The following DYSF variants were observed in gnomAD, a reference collection of about 807,000 sequenced individuals.
The protein encoded by DYSF is dysferlin, also known as dystrophy-associated fer-1-like 1.
A neutral mutation model predicts 274.9 loss-of-function variants in DYSF; 212 were observed. The ratio of observed to expected loss-of-function variants is 0.77; its 90% CI spans 0.69 to 0.86. The LOEUF (loss-of-function observed/expected upper bound fraction) is 0.86, where lower values mean the gene tolerates loss of function less well. Ranked by LOEUF, DYSF falls within the 40% of genes least tolerant of loss-of-function variation. DYSF has a pLI of 0.00. For missense variants in DYSF, 2,666 were observed against 2,783.2 expected (o/e 0.96, Z 0.95); for synonymous variants, 1,091 against 1,078.7 (o/e 1.01, Z -0.22).
chr2:71,611,408 C>T lies in DYSF; in HGVS notation c.4060-57C>T, dbSNP rs1458938088. 2.5e-6 allele frequency: 4 copies of T among 1,613,972 alleles called. No homozygotes were observed. The African/African-American group carries it at 4.0e-5, about 16-fold the overall frequency. On this transcript the variant is annotated intron_variant, in intron 37 of 55. Coordinates refer to ENST00000410020, the MANE Select transcript of DYSF (RefSeq NM_001130987.2). ...AGCCTGCCCTTCCCCTTCCTGGCCC[C>T]AGCCTTTCCTGGGGCCCGGGGCCTT...
intron 42 of DYSF, among the ~76,000 whole-genome samples, chr2:71,653,045 A>T (rs548195291): frequency 6.6e-6 from 1 of 152,372 alleles, no homozygotes; most frequent in South Asian, 2.1e-4. Context: ...AAAGAAAAAG[A>T]TCTTTAGATG....
intron 42 of DYSF, among the ~76,000 whole-genome samples, chr2:71,653,828 AAAT>A (rs575970696): frequency 3.3e-4 from 50 of 151,810 alleles, no homozygotes; most frequent in South Asian, 1.2e-3. Flanking sequence ...TAAAATTAAA[AAAT>A]AATAATAATA....
chr2:71,668,247 G>A (rs1368661012), intron 48 of DYSF, among the ~76,000 whole-genome samples: 2 of 152,232 alleles, frequency 1.3e-5, no homozygotes, highest in East Asian at 3.8e-4. Flanking sequence ...CACAACAGGT[G>A]TGGAAACTTC....
At chr2:71,662,582 CAT>C (rs1345445510) in intron 45 of DYSF, among the ~76,000 whole-genome samples, 3 of 143,916 alleles carry the variant, frequency 2.1e-5, no homozygotes, top group Non-Finnish European at 4.5e-5. Flanking sequence ...TGTGTGTATA[CAT>C]GTGTGTAGGT....
intron 10 of DYSF, among the ~76,000 whole-genome samples, chr2:71,519,869 G>A (rs1293344047): frequency 2.1e-5 from 3 of 140,386 alleles, no homozygotes; most frequent in Non-Finnish European, 3.0e-5. Context: ...CACCATGTTG[G>A]TCAGGCTGGT....
intron 10 of DYSF, among the ~76,000 whole-genome samples, chr2:71,517,764 G>C (rs1332794205): frequency 6.6e-6 from 1 of 152,126 alleles, no homozygotes; most frequent in Non-Finnish European, 1.5e-5. Context: ...TACTAAAGCT[G>C]ACAAAAGGCT....
chr2:71,558,996 G>A (rs1052917676), intron 22 of DYSF, among the ~76,000 whole-genome samples: 1 of 152,134 alleles, frequency 6.6e-6, no homozygotes, highest in African/African-American at 2.4e-5. Context: ...GCCCATAGCT[G>A]AACACAGCAG....
chr2:71,501,898 T>G (rs1015539305), intron 3 of DYSF, among the ~76,000 whole-genome samples: 23 of 152,172 alleles, frequency 1.5e-4, no homozygotes, highest in African/African-American at 2.2e-4. Context: ...TCAATTTTTT[T>G]GGGGGTATAT....
Position 71,483,666 on chromosome 2 carries a change from T to A in DYSF, c.239+1696T>A, listed in dbSNP as rs1363921753. Among the ~76,000 whole-genome samples, 7 of 152,306 alleles carry A rather than the reference T, an allele frequency of 4.6e-5. No homozygotes were observed. In the East Asian group the frequency reaches 1.4e-3, roughly 29 times the overall value. On this transcript the variant is annotated intron_variant, in intron 3 of 55. Transcript: ENST00000410020. Reference sequence around the variant, plus strand: ...CACAGCTGAGTGTCTGGCCGCATGCTGTCTTATATACAAGACCTTTTCCCA... The same window carrying A: ...CACAGCTGAGTGTCTGGCCGCATGCAGTCTTATATACAAGACCTTTTCCCA...
chr2:71,544,445 T>C (rs1045258105), intron 17 of DYSF, among the ~76,000 whole-genome samples: 14 of 145,232 alleles, frequency 9.6e-5, no homozygotes, highest in African/African-American at 3.6e-4. Context: ...GGAGATACCA[T>C]TTTTAAAAAT....
At position 71,539,054 on chromosome 2, in the gene DYSF, C is replaced by T. The variant is rs1247762766; in HGVS notation, c.1494-103C>T. The T allele has an allele frequency of 8.9e-6, 9 of 1,009,278 alleles. No homozygotes were observed. In the East Asian group the frequency reaches 1.7e-4, roughly 19 times the overall value. 62.5% of individuals were successfully genotyped at this position (1,009,278 alleles called of 1,614,324 possible). On this transcript the variant is annotated intron_variant, in intron 16 of 55. Transcript: ENST00000410020. ...GACCAGAAGCGCTCTCTGCCTGCCCCCCGCCCCCCTGTGATGTGTAACCGA... is the reference window on the plus strand; with the variant it reads ...GACCAGAAGCGCTCTCTGCCTGCCCTCCGCCCCCCTGTGATGTGTAACCGA...
At chr2:71,612,613 G>T in intron 38 of DYSF, 28 bp from the exon 39 acceptor site, 1 of 1,612,668 alleles carries the variant, frequency 6.2e-7, no homozygotes, top group East Asian at 2.2e-5. Context: ...GGGGATTCAG[G>T]CCAGTGCGTT....
intron 32 of DYSF, among the ~76,000 whole-genome samples, chr2:71,595,434 GA>G (rs2093379325): frequency 6.6e-6 from 1 of 152,192 alleles, no homozygotes; most frequent in South Asian, 2.1e-4. Flanking sequence ...TCTTCCTGGG[GA>G]AAGCTCCCTT....
At chr2:71,612,396 C>T (rs1172518130) in intron 38 of DYSF, among the ~76,000 whole-genome samples, 3 of 152,166 alleles carry the variant, frequency 2.0e-5, no homozygotes. Flanking sequence ...CCACTTCAGG[C>T]TGAACAGGAT....
intron 9 of DYSF, 76 bp downstream of exon 9, chr2:71,516,318 TTGTGCACGTGTGTGCA>T: frequency 7.1e-7 from 1 of 1,418,004 alleles, no homozygotes; most frequent in Non-Finnish European, 1.0e-6. Flanking sequence ...GCGTGTGTGT[TTGTGCACGTGTGTGCA>T]TGTGCACGTC....
intron 1 of DYSF, among the ~76,000 whole-genome samples, chr2:71,472,536 A>T (rs2082106774): frequency 6.6e-6 from 1 of 152,020 alleles, no homozygotes; most frequent in African/African-American, 2.4e-5. Flanking sequence ...CCTCCCAAGT[A>T]GCTGGGACTA....
In DYSF at chr2:71,479,466, G is replaced by A. The variant is rs1013052410; in HGVS notation, c.92-1417G>A. ...GCTCTGTCCAAACTCCTTGTTTTGTGGATCATCCAGAGAGAGAAATGCACT... is the reference window on the plus strand; with the variant it reads ...GCTCTGTCCAAACTCCTTGTTTTGTAGATCATCCAGAGAGAGAAATGCACT... On this transcript the variant is annotated intron_variant, in intron 1 of 55. Transcript: ENST00000410020. 3.3e-5 allele frequency among the ~76,000 whole-genome samples: 5 copies of A among 152,198 alleles called. No individual in the cohort carries two copies. In the East Asian group the frequency reaches 9.7e-4, roughly 30 times the overall value.
At chr2:71,490,796 A>C (rs1453220641) in intron 3 of DYSF, among the ~76,000 whole-genome samples, 1 of 152,144 alleles carries the variant, frequency 6.6e-6, no homozygotes, top group African/African-American at 2.4e-5. Context: ...CACATTTTTA[A>C]ATGGTTATGT....
At chr2:71,572,490 G>A (rs185174786) in intron 29 of DYSF, among the ~76,000 whole-genome samples, 3 of 152,370 alleles carry the variant, frequency 2.0e-5, no homozygotes, top group Non-Finnish European at 2.9e-5. Context: ...CTTAGGCTGG[G>A]TTTCCTGGAG....
Sources: gnomAD v4.1 joint callset for allele counts (sites outside exome capture counted in the v4.1 genomes callset) on GRCh38, gnomAD v4.1.1 for gene constraint, MANE v1.5 for transcripts, NCBI Gene and HGNC (gene_info 2026-07-23, HGNC 2026-07-21) for gene names.